BCAP31: variants seen among roughly 807,000 people sequenced by gnomAD.
BCAP31 encodes B-cell receptor-associated protein 31.
For synonymous variants in BCAP31, 75 were observed against 80.9 expected (o/e 0.93, Z 0.39); for missense variants, 124 against 193.0 (o/e 0.64, Z 2.12).
At chrX:153,723,019 A>C in intron 2 of BCAP31, 134 bp downstream of exon 2, 1 of 811,518 alleles carries the variant, frequency 1.2e-6, no homozygotes, top group African/African-American at 2.1e-5. Context: ...AACCCCTGCC[A>C]CCCCCACCCC....
chrX:153,719,213 G>A (rs2091648885), intron 3 of BCAP31, among the ~76,000 whole-genome samples: 1 of 111,628 alleles, frequency 9.0e-6, no homozygotes, highest in African/African-American at 3.3e-5. Context: ...GCAAGACCCT[G>A]AGGGAATCAT....
chrX:153,703,653 C>T (rs782235060), intron 5 of BCAP31, among the ~76,000 whole-genome samples: 17 of 112,666 alleles, frequency 1.5e-4, no homozygotes, highest in African/African-American at 5.2e-4. Context: ...TGAGGGCCTT[C>T]GGATCACAGC....
At chrX:153,714,294 G>T (rs1557049689) in intron 4 of BCAP31, among the ~76,000 whole-genome samples, 1 of 109,148 alleles carries the variant, frequency 9.2e-6, no homozygotes. Context: ...GTCACACTCA[G>T]AATTCTGGGT....
intron 5 of BCAP31, among the ~76,000 whole-genome samples, chrX:153,703,403 G>A (rs1328496069): frequency 2.7e-5 from 3 of 113,126 alleles, no homozygotes; most frequent in Non-Finnish European, 5.6e-5. Context: ...ACAGATGGCG[G>A]TGCCTCGTGC....
chrX:153,713,658 C>G (rs1557049541), intron 4 of BCAP31, among the ~76,000 whole-genome samples: 1 of 111,214 alleles, frequency 9.0e-6, no homozygotes, highest in African/African-American at 3.3e-5. Context: ...CAGATGATCT[C>G]AACAGCTTCT....
chrX:153,705,850 C>A (rs2091550878), intron 4 of BCAP31, among the ~76,000 whole-genome samples: 2 of 112,231 alleles, frequency 1.8e-5, no homozygotes, highest in African/African-American at 6.5e-5. Flanking sequence ...AGGCTATACT[C>A]CCCGCCACCA....
Position 153,720,900 on chromosome X carries a change from G to A in BCAP31, c.165C>T (p.Leu55=), listed in dbSNP as rs140068858. 3.6e-5 allele frequency: 44 copies of A among 1,210,258 alleles called. No homozygotes were observed. In the African/African-American group the frequency reaches 7.3e-4, roughly 20 times the overall value. ...TGACCAACAGCACAAGGATGACAATGAGAACCACAAAGAAGGTGTTGCCAT... is the reference window on the plus strand; with the variant it reads ...TGACCAACAGCACAAGGATGACAATAAGAACCACAAAGAAGGTGTTGCCAT... ...VSYGNTFFVV[L]IVILVLLVID... The change falls in exon 3 of 8, where the codon CTC becomes CTT. Residue 55 remains leucine, a synonymous_variant. Coordinates refer to ENST00000345046, the MANE Select transcript of BCAP31 (RefSeq NM_001256447.2).
intron 1 of BCAP31, chrX:153,723,619 G>T (rs1411090338): frequency 1.7e-6 from 2 of 1,166,908 alleles, no homozygotes; most frequent in Non-Finnish European, 2.3e-6. Context: ...CGTTCTTCGG[G>T]AAGAGCAGTG....
intron 4 of BCAP31, among the ~76,000 whole-genome samples, chrX:153,710,148 G>A (rs1256107633): frequency 8.9e-6 from 1 of 112,106 alleles, no homozygotes; most frequent in Non-Finnish European, 1.9e-5. Context: ...CCACATGACT[G>A]CTTCATGACA....
chrX:153,702,164 A>G (rs2091522773), intron 6 of BCAP31, 57 bp from the exon 7 acceptor site: 4 of 1,020,093 alleles, frequency 3.9e-6, no homozygotes, highest in East Asian at 3.1e-5. Context: ...AATTAGGGGG[A>G]AAAAACCCGA....
intron 3 of BCAP31, 136 bp from the exon 4 acceptor site, chrX:153,715,825 T>C: frequency 1.3e-6 from 1 of 761,290 alleles, no homozygotes. Flanking sequence ...TTCCCACTTC[T>C]ATGCACATAC....
At chrX:153,712,931 C>T (rs781837073) in intron 4 of BCAP31, among the ~76,000 whole-genome samples, 1 of 111,932 alleles carries the variant, frequency 8.9e-6, no homozygotes, top group South Asian at 3.7e-4. Context: ...GCAGGCCAGG[C>T]GCGGTGGCTC....
At chrX:153,704,479 G>A (rs1390373454) in intron 4 of BCAP31, among the ~76,000 whole-genome samples, 7 of 112,321 alleles carry the variant, frequency 6.2e-5, no homozygotes, top group Admixed American at 2.8e-4. Flanking sequence ...GTAAGGTAAC[G>A]AGAGAAGCTA....
chrX:153,718,317 C>CAAAAAAA (rs60097594), intron 3 of BCAP31, among the ~76,000 whole-genome samples: 1 of 30,495 alleles, frequency 3.3e-5, no homozygotes, highest in African/African-American at 1.0e-4. Context: ...GATTCCATCT[C>CAAAAAAA]AAAAAAAAAA....
At chrX:153,720,063 T>C (rs1229877565) in intron 3 of BCAP31, among the ~76,000 whole-genome samples, 1 of 111,847 alleles carries the variant, frequency 8.9e-6, no homozygotes, top group Admixed American at 9.4e-5. Context: ...CATCTCTGTG[T>C]TCTCCTCCTA....
At chrX:153,714,664 C>T (rs1366520561) in intron 4 of BCAP31, among the ~76,000 whole-genome samples, 1 of 110,868 alleles carries the variant, frequency 9.0e-6, no homozygotes, top group African/African-American at 3.3e-5. Flanking sequence ...AGTCTCGGGG[C>T]ACAAAACCAA....
At chrX:153,712,832 G>C (rs2148377874) in intron 4 of BCAP31, among the ~76,000 whole-genome samples, 1 of 112,344 alleles carries the variant, frequency 8.9e-6, no homozygotes, top group South Asian at 3.7e-4. Flanking sequence ...TGTGACCCTA[G>C]AGGACCTTGG....
At chrX:153,707,641 G>A in intron 4 of BCAP31, among the ~76,000 whole-genome samples, 1 of 112,118 alleles carries the variant, frequency 8.9e-6, no homozygotes, top group East Asian at 2.8e-4. Context: ...CCGTTCTGAT[G>A]GGCAAGCCAG....
At chrX:153,711,920 A>AG (rs2091594315) in intron 4 of BCAP31, among the ~76,000 whole-genome samples, 1 of 105,305 alleles carries the variant, frequency 9.5e-6, no homozygotes, top group Non-Finnish European at 2.0e-5. Context: ...AAAAAAAAAA[A>AG]GAAAGAAAGA....
Sources: allele counts gnomAD v4.1 joint callset (sites outside exome capture counted in the v4.1 genomes callset), GRCh38; gene constraint gnomAD v4.1.1; transcripts MANE v1.5; gene names NCBI Gene and HGNC (gene_info 2026-07-23, HGNC 2026-07-21).